MBTPS1: variants seen among roughly 807,000 people sequenced by gnomAD.
MBTPS1 encodes membrane-bound transcription factor site-1 protease.
Under a neutral mutation model 127.8 loss-of-function variants are expected in MBTPS1, and 94 were observed. The observed-to-expected ratio is 0.74, with a 90% CI of 0.62 to 0.87. The LOEUF is 0.87. MBTPS1 is among the 40% of genes least tolerant of loss of function. The pLI, the probability that MBTPS1 is intolerant of heterozygous loss-of-function variation, is 0.00. For missense variants in MBTPS1, 1,636 were observed against 1,353.2 expected (o/e 1.21, Z -3.28); for synonymous variants, 632 against 509.4 (o/e 1.24, Z -3.24).
intron 21 of MBTPS1, among the ~76,000 whole-genome samples, chr16:84,058,411 T>C (rs1221393718): frequency 1.3e-5 from 2 of 152,092 alleles, no homozygotes; most frequent in Non-Finnish European, 2.9e-5. Flanking sequence ...GCCTCCTGCC[T>C]GAGGGGCTGG....
chr16:84,078,892 G>A (rs2085898550), intron 11 of MBTPS1, among the ~76,000 whole-genome samples: 1 of 152,226 alleles, frequency 6.6e-6, no homozygotes, highest in African/African-American at 2.4e-5. Context: ...TAAGGCGTGT[G>A]CGGAAGCCTG....
At chr16:84,062,875 A>G (rs1051648828) in intron 19 of MBTPS1, among the ~76,000 whole-genome samples, 1 of 152,220 alleles carries the variant, frequency 6.6e-6, no homozygotes, top group Non-Finnish European at 1.5e-5. Flanking sequence ...CTGGAAGGAC[A>G]GCCAAGAGCC....
In MBTPS1 at chr16:84,095,568, C is replaced by T. The variant is rs535908315; in HGVS notation, c.625+34G>A. 6 of 1,605,844 alleles carry T rather than the reference C, an allele frequency of 3.7e-6. No homozygotes were observed. In the South Asian group the frequency reaches 5.5e-5, roughly 15 times the overall value. On this transcript the variant is annotated intron_variant, in intron 4 of 22. Transcript: ENST00000343411. ...TGGGTAATAGCACACACCTGTATAT[C>T]CCATAAGCACCTTCCCTGGGTAATA...
intron 11 of MBTPS1, 45 bp downstream of exon 11, chr16:84,081,702 C>G: frequency 7.6e-7 from 1 of 1,308,648 alleles, no homozygotes; most frequent in Non-Finnish European, 9.9e-7. Flanking sequence ...TCGCCCAGAG[C>G]CCAGTGAAGG....
At position 84,069,884 on chromosome 16, in the gene MBTPS1, T is replaced by C. The variant is rs1356799198; in HGVS notation, c.1937A>G (p.Lys646Arg). The C allele has an allele frequency of 1.2e-6, 2 of 1,613,908 alleles. No homozygotes were observed. The highest frequency in any genetic ancestry group is 2.7e-5 in the African/African-American group (2 of 74,876). The change falls in exon 14 of 23, where the codon AAG becomes AGG. Residue 646 changes from lysine to arginine, a missense_variant. Transcript: ENST00000343411. ...GYFPRDNLRMKNDPLDWNGDH... is the reference protein window; with the variant it reads ...GYFPRDNLRMRNDPLDWNGDH... ...TGCTTACCAGTCTAAAGGGTCATTC[T>C]TCATCCTTAAATTATCCCTGGGGAA...
chr16:84,074,735 G>A lies in MBTPS1; in HGVS notation c.1455C>T (p.Ser485=). Reference sequence around the variant, plus strand: ...ACTCAGTCAGATCTATGTAGCTGGGGCTCAAACTGAAATAAAGAATACAGT... The same window carrying A: ...ACTCAGTCAGATCTATGTAGCTGGGACTCAAACTGAAATAAAGAATACAGT... ...LNSYKPQASL[S]PSYIDLTECP... Residue 485 remains serine, a synonymous_variant, in exon 12 of 23, where the codon AGC becomes AGT. Transcript: ENST00000343411. 4 of 1,612,738 alleles carry A rather than the reference G, an allele frequency of 2.5e-6. No individual in the cohort carries two copies. Among genetic ancestry groups the A allele is most frequent in the Non-Finnish European group, 3.4e-6 (4 of 1,179,444 alleles).
At chr16:84,096,378 T>C (rs1213192180) in intron 3 of MBTPS1, among the ~76,000 whole-genome samples, 4 of 152,248 alleles carry the variant, frequency 2.6e-5, no homozygotes, top group African/African-American at 9.6e-5. Flanking sequence ...CTGAGGGTGA[T>C]GGAATTATTC....
intron 1 of MBTPS1, among the ~76,000 whole-genome samples, chr16:84,110,145 T>A (rs1238065079): frequency 6.6e-6 from 1 of 152,212 alleles, no homozygotes; most frequent in Non-Finnish European, 1.5e-5. Context: ...ATTCAGTCAG[T>A]GCTGATCACT....
chr16:84,065,047 G>C lies in MBTPS1; in HGVS notation c.2431+643C>G, dbSNP rs16962683. Among the ~76,000 whole-genome samples, 831 of 151,688 alleles carry C rather than the reference G, an allele frequency of 5.5e-3. 11 individuals carry two copies. The highest frequency in any genetic ancestry group is 0.018 in the African/African-American group (753 of 41,350). ...ACATTTTCATTTTTCTAAAACCTTG[G>C]TAATCTGGCAATCACAGAAGCAGAA... is the stretch of plus-strand genomic sequence containing the variant. On this transcript the variant is annotated intron_variant, in intron 18 of 22. Transcript: ENST00000343411.
intron 19 of MBTPS1, 40 bp downstream of exon 19, chr16:84,063,265 T>C: frequency 6.3e-7 from 1 of 1,590,220 alleles, no homozygotes; most frequent in South Asian, 1.1e-5. Flanking sequence ...AGAAAGGATC[T>C]GAGTGCCGAA....
chr16:84,081,712 G>C (rs768655777), intron 11 of MBTPS1, 35 bp downstream of exon 11: 1 of 1,321,622 alleles, frequency 7.6e-7, no homozygotes, highest in South Asian at 2.7e-5. Flanking sequence ...CCCAGTGAAG[G>C]AGAGAAAGAC....
intron 3 of MBTPS1, among the ~76,000 whole-genome samples, chr16:84,096,253 T>C (rs1404514634): frequency 6.6e-6 from 1 of 152,194 alleles, no homozygotes; most frequent in Non-Finnish European, 1.5e-5. Context: ...AGCCATCAAA[T>C]ATCAACAGGA....
At chr16:84,065,543 T>G in intron 18 of MBTPS1, 147 bp downstream of exon 18, 1 of 642,354 alleles carries the variant, frequency 1.6e-6, no homozygotes, top group East Asian at 2.9e-5. Flanking sequence ...AATTGTACAC[T>G]TTAAAAGGGC....
At position 84,099,161 on chromosome 16, in the gene MBTPS1, G is replaced by A; in HGVS notation, c.313C>T (p.Gln105Ter). The A allele has an allele frequency of 6.2e-7, 1 of 1,614,108 alleles. No individual in the cohort carries two copies. The highest frequency in any genetic ancestry group is 8.5e-7 in the Non-Finnish European group (1 of 1,180,024). ...SDYPSDFEVIQIKEKQKAGLL... is the reference protein window; with the variant it reads ...SDYPSDFEVI Reference sequence around the variant, plus strand: ...CCCGCTTTCTGTTTTTCTTTTATCTGAATCACCTCAAAATCACTAGGGTAG... The same window carrying A: ...CCCGCTTTCTGTTTTTCTTTTATCTAAATCACCTCAAAATCACTAGGGTAG... The change falls in exon 3 of 23, where the codon CAG becomes TAG. Residue 105 changes from glutamine (Q) to a stop codon, truncating the protein, a stop_gained. Transcript: ENST00000343411. LOFTEE classifies it high-confidence loss of function.
intron 11 of MBTPS1, among the ~76,000 whole-genome samples, chr16:84,078,439 G>T (rs1445174530): frequency 7.6e-6 from 1 of 131,692 alleles, no homozygotes; most frequent in Non-Finnish European, 1.6e-5. Context: ...ACCCAGACCA[G>T]CAGTGCCACC....
intron 1 of MBTPS1, among the ~76,000 whole-genome samples, chr16:84,114,005 G>T (rs1031720350): frequency 7.2e-6 from 1 of 138,028 alleles, no homozygotes; most frequent in African/African-American, 2.7e-5. Context: ...TCGCTCTGCC[G>T]CCAGGGTGGA....
intron 1 of MBTPS1, chr16:84,110,985 C>T (rs1231029011): frequency 1.3e-5 from 2 of 152,254 alleles, no homozygotes; most frequent in African/African-American, 2.4e-5. Context: ...CACCACAGAA[C>T]GCCACGCAGC....
chr16:84,098,270 G>C (rs2086205479), intron 3 of MBTPS1, among the ~76,000 whole-genome samples: 1 of 152,150 alleles, frequency 6.6e-6, no homozygotes, highest in Non-Finnish European at 1.5e-5. Context: ...AGGAGGCTTT[G>C]ACAAAAACAA....
chr16:84,079,692 A>C, intron 11 of MBTPS1, among the ~76,000 whole-genome samples: 1 of 152,274 alleles, frequency 6.6e-6, no homozygotes, highest in East Asian at 1.9e-4. Context: ...AACAGAGGTA[A>C]CATGACCATC....
Sources: gnomAD v4.1 joint callset for allele counts (sites outside exome capture counted in the v4.1 genomes callset) on GRCh38, gnomAD v4.1.1 for gene constraint, MANE v1.5 for transcripts, NCBI Gene and HGNC (gene_info 2026-07-23, HGNC 2026-07-21) for gene names.